Variants in FAM177B observed in about 807,000 individuals in gnomAD.
FAM177B encodes the protein family with sequence similarity 177 member B.
FAM177B carries 16 observed loss-of-function variants against 16.1 expected under a neutral mutation model. The ratio of observed to expected loss-of-function variants is 0.99; its 90% CI spans 0.67 to 1.51. The LOEUF (loss-of-function observed/expected upper bound fraction) is 1.51, where lower values mean the gene tolerates loss of function less well. FAM177B is among the 40% of genes most tolerant of loss of function. The probability of loss-of-function intolerance (pLI) is 0.00; values close to 1 mark genes in which losing one functional copy is unlikely to be tolerated. For missense variants in FAM177B, 178 were observed against 183.7 expected, an observed-to-expected ratio of 0.97 and a Z score of 0.18; for synonymous variants, 56 against 59.9, an observed-to-expected ratio of 0.93 and a Z score of 0.30.
chr1:222,749,695 A>G (rs1404346498), intron 5 of FAM177B, 133 bp downstream of exon 5: 5 of 736,892 alleles, frequency 6.8e-6, no homozygotes, highest in Admixed American at 5.0e-5. Flanking sequence ...CCATAGTCAG[A>G]CTGACTTATT....
intron 2 of FAM177B, among the ~76,000 whole-genome samples, chr1:222,740,399 T>C (rs1658468121): frequency 6.6e-6 from 1 of 152,216 alleles, no homozygotes; most frequent in Admixed American, 6.5e-5. Flanking sequence ...TTAATGCTAA[T>C]ATTTTGTTTA....
At chr1:222,749,629 A>G (rs1182554197) in intron 5 of FAM177B, 67 bp downstream of exon 5, 1 of 912,624 alleles carries the variant, frequency 1.1e-6, no homozygotes, top group Non-Finnish European at 1.7e-6. Flanking sequence ...AATTTAGGCC[A>G]GTATAGAGAA....
intron 3 of FAM177B, 75 bp from the exon 4 acceptor site, chr1:222,746,940 A>G (rs1658826314): frequency 9.5e-7 from 1 of 1,048,930 alleles, no homozygotes; most frequent in East Asian, 2.4e-5. Flanking sequence ...GCATTTTGAA[A>G]TCTCTACATT....
chr1:222,740,412 G>A (rs1658469435), intron 2 of FAM177B, among the ~76,000 whole-genome samples: 1 of 152,012 alleles, frequency 6.6e-6, no homozygotes, highest in Non-Finnish European at 1.5e-5. Context: ...TTTGTTTAGT[G>A]TTTCTTTTGA....
intron 2 of FAM177B, among the ~76,000 whole-genome samples, chr1:222,741,602 A>G (rs548304064): frequency 3.6e-4 from 54 of 149,182 alleles, no homozygotes; most frequent in African/African-American, 1.3e-3. Flanking sequence ...ATCGCTGCTC[A>G]TTGCAACCTC....
At chr1:222,749,426 A>T in intron 4 of FAM177B, 39 bp from the exon 5 acceptor site, 1 of 1,171,628 alleles carries the variant, frequency 8.5e-7, no homozygotes, top group Non-Finnish European at 1.3e-6. Context: ...AGCTTTAGTT[A>T]GTAATTCAGT....
intron 2 of FAM177B, among the ~76,000 whole-genome samples, chr1:222,746,133 C>A (rs1307123345): frequency 6.6e-6 from 1 of 152,128 alleles, no homozygotes. Context: ...AAGTCCTTTA[C>A]CAAATATATA....
rs943620675 is a variant in FAM177B, at chr1:222,750,302, C to A, written c.*244C>A. Reference sequence around the variant, plus strand: ...AATAATTTCTATATTCAAGCCACCCCACCTCAACTCCACCCCTGTGATACA... The same window carrying A: ...AATAATTTCTATATTCAAGCCACCCAACCTCAACTCCACCCCTGTGATACA... On this transcript the variant is annotated 3_prime_UTR_variant, in exon 6 of 6. Coordinates refer to ENST00000445590, the MANE Select transcript of FAM177B (RefSeq NM_001394345.1). 3 of 1,297,882 alleles carry A rather than the reference C, an allele frequency of 2.3e-6. No individual in the cohort carries two copies. The highest frequency in any genetic ancestry group is 2.9e-6 in the Non-Finnish European group (3 of 1,022,436). The allele number at this position is 1,297,882 out of a possible 1,614,324, so 80.4% of individuals were successfully genotyped here. A position where few individuals can be genotyped will look rare whatever the true frequency, so the allele number is the denominator to read the frequency against.
At chr1:222,742,507 G>A (rs1206132079) in intron 2 of FAM177B, 2 of 152,148 alleles carry the variant, frequency 1.3e-5, no homozygotes, top group African/African-American at 4.8e-5. Context: ...TTAGGTAAAT[G>A]TTTTAAAAAT....
rs191709485 is a variant in FAM177B, at chr1:222,740,889, C to T, written c.-16+2868C>T. Among the ~76,000 whole-genome samples the T allele has an allele frequency of 3.3e-4, 50 of 151,914 alleles. No homozygotes were observed. The South Asian group carries it at 6.2e-3, about 19-fold the overall frequency. ...TAATTTTTTGTATATTTAGTAGGGA[C>T]GGGGTTTCACCGTGTTAGCCAGGAT... is the stretch of plus-strand genomic sequence containing the variant. On this transcript the variant is annotated intron_variant, in intron 2 of 5. Transcript: ENST00000445590.
rs765642743 is a variant in FAM177B at position 222,746,977 on chromosome 1, C to T, written c.175-38C>T. The T allele has an allele frequency of 3.7e-6, 5 of 1,364,276 alleles. No individual in the cohort carries two copies. The Admixed American group carries it at 8.4e-5, about 23-fold the overall frequency. The allele number at this position is 1,364,276 out of a possible 1,614,324, so 84.5% of individuals were successfully genotyped here. ...AAACAAATCTGCAGTCACCATTCCT[C>T]TTATTAACTACTCTATCTCAATTTC... On this transcript the variant is annotated intron_variant, in intron 3 of 5. Coordinates refer to ENST00000445590, the MANE Select transcript of FAM177B (RefSeq NM_001394345.1).
At chr1:222,742,511 T>C (rs1658602041) in intron 2 of FAM177B, 1 of 152,240 alleles carries the variant, frequency 6.6e-6, no homozygotes, top group African/African-American at 2.4e-5. Context: ...GTAAATGTTT[T>C]AAAAATTACT....
rs1658951873 is a variant in FAM177B at position 222,749,448 on chromosome 1, C to T, written c.242-17C>T. The T allele has an allele frequency of 3.3e-6, 5 of 1,514,514 alleles. No individual in the cohort carries two copies. Among genetic ancestry groups the T allele is most frequent in the East Asian group, 2.3e-5 (1 of 44,380 alleles). The allele number at this position is 1,514,514 out of a possible 1,614,324, so 93.8% of individuals were successfully genotyped here. On this transcript the variant is annotated splice_polypyrimidine_tract_variant and intron_variant, in intron 4 of 5. Transcript: ENST00000445590. ...GTTAGTAATTCAGTTTACGCAAGTG[C>T]TCGTTCTTTCTTTTAGCATGTGAAT...
intron 2 of FAM177B, among the ~76,000 whole-genome samples, chr1:222,743,632 C>A (rs1283324731): frequency 1.3e-5 from 2 of 152,180 alleles, no homozygotes; most frequent in Non-Finnish European, 2.9e-5. Flanking sequence ...CACACACCAG[C>A]ATGTGGTACT....
At chr1:222,743,851 C>T (rs1267614684) in intron 2 of FAM177B, among the ~76,000 whole-genome samples, 1 of 152,144 alleles carries the variant, frequency 6.6e-6, no homozygotes, top group African/African-American at 2.4e-5. Flanking sequence ...TCTCTTCTCT[C>T]TATTGGTAAT....
chr1:222,747,292 T>C (rs1410992774), intron 4 of FAM177B: 2 of 521,986 alleles, frequency 3.8e-6, no homozygotes, highest in African/African-American at 3.8e-5. Flanking sequence ...GAAATTCTTA[T>C]CTCGGCCCAA....
chr1:222,741,670 C>A lies in FAM177B; in HGVS notation c.-16+3649C>A, dbSNP rs569708955. On this transcript the variant is annotated intron_variant, in intron 2 of 5. Transcript: ENST00000445590. ...AGCTCAGTCTCCCAAGTAGCTGGAA[C>A]AACAGGCATGCACCACCTTGCTCAA... is the stretch of plus-strand genomic sequence containing the variant. Among the ~76,000 whole-genome samples the A allele has an allele frequency of 4.6e-5, 7 of 151,988 alleles. No individual in the cohort carries two copies. The South Asian group carries it at 1.5e-3, about 32-fold the overall frequency.
intron 2 of FAM177B, chr1:222,739,845 T>C (rs1259751164): frequency 6.6e-6 from 1 of 152,256 alleles, no homozygotes; most frequent in African/African-American, 2.4e-5. Flanking sequence ...AAGTTTCTTT[T>C]TGAAAATGTT....
chr1:222,738,814 A>G (rs1190436858), intron 2 of FAM177B, among the ~76,000 whole-genome samples: 1 of 152,230 alleles, frequency 6.6e-6, no homozygotes, highest in Non-Finnish European at 1.5e-5. Flanking sequence ...TCTGTGTGAC[A>G]TGTACCGATT....
Sources: allele counts gnomAD v4.1 joint callset (sites outside exome capture counted in the v4.1 genomes callset), GRCh38; gene constraint gnomAD v4.1.1; transcripts MANE v1.5; gene names NCBI Gene and HGNC (gene_info 2026-07-23, HGNC 2026-07-21).